Variants in CAMTA1 observed in about 807,000 individuals in gnomAD.
CAMTA1 encodes the protein calmodulin-binding transcription activator 1.
A neutral mutation model predicts 170.9 loss-of-function variants in CAMTA1; 27 were observed. The observed-to-expected ratio is 0.16, with a 90% confidence interval of 0.12 to 0.22. The LOEUF (loss-of-function observed/expected upper bound fraction) is 0.22. Among genes scored for constraint, CAMTA1 ranks in the 10% least tolerant of loss-of-function variants. The pLI, the probability that CAMTA1 is intolerant of heterozygous loss-of-function variation, is 1.00. For synonymous variants in CAMTA1, 833 were observed against 891.5 expected, an observed-to-expected ratio of 0.93 and a Z score of 1.17; for missense variants, 1,619 against 2,217.2, an observed-to-expected ratio of 0.73 and a Z score of 5.42.
rs1403707779 is a variant in CAMTA1 at position 7,144,583 on chromosome 1, G to A, written c.302+53212G>A. On this transcript the variant is annotated intron_variant, in intron 4 of 22. Coordinates refer to ENST00000303635, the MANE Select transcript of CAMTA1 (RefSeq NM_015215.4). The surrounding 1 kb of genome is among the most constrained non-coding windows in gnomAD (Gnocchi z 4.0). ...TAGTTTGTGGCTTCAGTGTTGTGAG[G>A]ACTTACTCTCATTTTCAGAACTCGT... Among the ~76,000 whole-genome samples, 3 of 152,036 alleles carry A rather than the reference G, an allele frequency of 2.0e-5. No individual in the cohort carries two copies. In the South Asian group the frequency reaches 6.2e-4, roughly 32 times the overall value.
At chr1:7,543,837 CT>C (rs34168518) in intron 6 of CAMTA1, among the ~76,000 whole-genome samples, 121,659 of 147,512 alleles carry the variant, frequency 0.82, 50,087 homozygotes, top group African/African-American at 0.89. Context: ...GCGAGCAGAA[CT>C]TTTTTTTTTT....
chr1:7,617,001 C>G (rs1330842590), intron 6 of CAMTA1, among the ~76,000 whole-genome samples: 1 of 152,322 alleles, frequency 6.6e-6, no homozygotes, highest in Non-Finnish European at 1.5e-5. Flanking sequence ...AGTTTTCCCT[C>G]TAAGGCACAG....
chr1:7,188,237 G>C (rs1653834920), intron 4 of CAMTA1, among the ~76,000 whole-genome samples: 1 of 152,078 alleles, frequency 6.6e-6, no homozygotes, highest in Admixed American at 6.5e-5. Context: ...ATGAGATTTG[G>C]GTGGGGACAG....
chr1:7,436,190 G>A (rs1294834701), intron 5 of CAMTA1, among the ~76,000 whole-genome samples: 1 of 152,228 alleles, frequency 6.6e-6, no homozygotes, highest in Non-Finnish European at 1.5e-5. Flanking sequence ...TGGGAGGCGA[G>A]AGGGAGCCGG....
At chr1:7,751,597 C>T (rs1225883375) in intron 20 of CAMTA1, among the ~76,000 whole-genome samples, 1 of 152,092 alleles carries the variant, frequency 6.6e-6, no homozygotes, top group African/African-American at 2.4e-5. Context: ...TTTCTCTCCA[C>T]CTCCCACCCA....
intron 3 of CAMTA1, among the ~76,000 whole-genome samples, chr1:6,993,807 C>T (rs577960110): frequency 6.6e-6 from 1 of 152,106 alleles, no homozygotes; most frequent in Non-Finnish European, 1.5e-5. Context: ...CTGACAATCT[C>T]TGTTTTTAAA....
At chr1:7,148,770 C>T (rs1021556456) in intron 4 of CAMTA1, among the ~76,000 whole-genome samples, 5 of 152,258 alleles carry the variant, frequency 3.3e-5, no homozygotes, top group African/African-American at 9.6e-5. Context: ...CCACCTCTCT[C>T]CAGCAGACTG....
rs116125195 is a variant in CAMTA1, at chr1:7,586,277, G to A, written c.511-54123G>A. Among the ~76,000 whole-genome samples the A allele has an allele frequency of 5.3e-3, 812 of 152,262 alleles. 14 individuals carry two copies. Among genetic ancestry groups the A allele is most frequent in the African/African-American group, 0.019 (783 of 41,512 alleles). On this transcript the variant is annotated intron_variant, in intron 6 of 22. Coordinates refer to ENST00000303635, the MANE Select transcript of CAMTA1 (RefSeq NM_015215.4). ...TAAGCCTCGAGGGCTGGCTGTGGAC[G>A]CACTCTGAAGACGAAAGTCCAGAAA... is the stretch of plus-strand genomic sequence containing the variant.
At chr1:6,896,886 T>C (rs1418998403) in intron 3 of CAMTA1, among the ~76,000 whole-genome samples, 3 of 152,204 alleles carry the variant, frequency 2.0e-5, no homozygotes, top group African/African-American at 7.2e-5. Context: ...GTGCAACTTT[T>C]CATTCTTGTT....
chr1:7,189,823 T>C (rs1654178932), intron 4 of CAMTA1, among the ~76,000 whole-genome samples: 1 of 152,184 alleles, frequency 6.6e-6, no homozygotes, highest in South Asian at 2.1e-4. Context: ...ACAAAAACTT[T>C]CACACTCATG....
chr1:7,392,780 A>G (rs903378482), intron 5 of CAMTA1, among the ~76,000 whole-genome samples: 1 of 151,680 alleles, frequency 6.6e-6, no homozygotes. Flanking sequence ...AGGCTGAGGC[A>G]TGAGAATTGC....
At chr1:7,214,399 C>G (rs1659366038) in intron 4 of CAMTA1, among the ~76,000 whole-genome samples, 3 of 151,846 alleles carry the variant, frequency 2.0e-5, no homozygotes, top group African/African-American at 7.3e-5. Flanking sequence ...CAGAGTTTCA[C>G]TCTGTCACCC....
chr1:7,317,861 A>G (rs1677768382), intron 5 of CAMTA1, among the ~76,000 whole-genome samples: 2 of 152,402 alleles, frequency 1.3e-5, no homozygotes, highest in South Asian at 2.1e-4. Context: ...TAAAGTGACC[A>G]GAGCTACAAA....
At chr1:7,357,271 C>T (rs1894656) in intron 5 of CAMTA1, among the ~76,000 whole-genome samples, 25,408 of 152,246 alleles carry the variant, frequency 0.17, 2,879 homozygotes, top group East Asian at 0.55. Context: ...TGCATGGAGC[C>T]GCTATAGCCA....
chr1:7,455,281 C>T lies in CAMTA1; in HGVS notation c.439-12549C>T, dbSNP rs1410560939. Among the ~76,000 whole-genome samples the T allele has an allele frequency of 6.6e-6, 1 of 152,154 alleles. No individual in the cohort carries two copies. The highest frequency in any genetic ancestry group is 2.4e-5 in the African/African-American group (1 of 41,432). On this transcript the variant is annotated intron_variant, in intron 5 of 22. Coordinates refer to ENST00000303635, the MANE Select transcript of CAMTA1 (RefSeq NM_015215.4). The surrounding 1 kb of genome is among the most constrained non-coding windows in gnomAD (Gnocchi z 5.0). ...GGCTCCCAGGTGGAAGGCCTGATGC[C>T]GCCCTGCTGTCTGCTCTCTTTTGTA...
intron 4 of CAMTA1, among the ~76,000 whole-genome samples, chr1:7,228,541 G>T (rs1558276960): frequency 6.6e-6 from 1 of 152,320 alleles, no homozygotes; most frequent in East Asian, 1.9e-4. Context: ...GATACTTTTG[G>T]AGACTCTTCT....
chr1:6,942,077 C>CTT (rs59205326), intron 3 of CAMTA1, among the ~76,000 whole-genome samples: 65,767 of 147,216 alleles, frequency 0.45, 14,939 homozygotes, highest in Non-Finnish European at 0.51. Context: ...TTTCTTTTTT[C>CTT]TTTTTTTTTT....
In CAMTA1 at chr1:7,262,327, C is replaced by A. The variant is rs565865340; in HGVS notation, c.438+12701C>A. ...CTGTAATCCCAGCACTTTGGGAGGC[C>A]GAGGCGGGCGGATCACCTGAGGTCA... On this transcript the variant is annotated intron_variant, in intron 5 of 22. Coordinates refer to ENST00000303635, the MANE Select transcript of CAMTA1 (RefSeq NM_015215.4). Among the ~76,000 whole-genome samples the A allele has an allele frequency of 5.3e-5, 8 of 151,942 alleles. No homozygotes were observed. The South Asian group carries it at 1.7e-3, about 32-fold the overall frequency.
In CAMTA1 at chr1:7,682,275, G is replaced by T. The variant is rs1398826715; in HGVS notation, c.2914+4542G>T. ...CTGGGCAAGCCTCAGTGTAAGGTGG[G>T]TGAGCCCAGACAGCTTGCCCCTGCA... is the stretch of plus-strand genomic sequence containing the variant. On this transcript the variant is annotated intron_variant, in intron 11 of 22. Transcript: ENST00000303635. The surrounding 1 kb of genome is among the most constrained non-coding windows in gnomAD (Gnocchi z 5.0). 3.9e-5 allele frequency among the ~76,000 whole-genome samples: 6 copies of T among 152,220 alleles called. No homozygotes were observed. The highest frequency in any genetic ancestry group is 8.8e-5 in the Non-Finnish European group (6 of 68,038).
Sources: gnomAD v4.1 joint callset for allele counts (sites outside exome capture counted in the v4.1 genomes callset) on GRCh38, gnomAD v4.1.1 for gene constraint, Gnocchi (gnomAD v3.1) non-coding constraint, MANE v1.5 for transcripts, NCBI Gene and HGNC (gene_info 2026-07-23, HGNC 2026-07-21) for gene names.